Variants in MBD5 observed in about 807,000 individuals in gnomAD.
MBD5 encodes methyl-CpG binding domain protein 5, also known as methyl-CpG-binding domain protein 5.
In MBD5, 13 loss-of-function variants were observed where a neutral mutation model predicts 117.3. The ratio of observed to expected loss-of-function variants is 0.11; its 90% CI spans 0.07 to 0.18. The LOEUF is 0.18. Ranked by LOEUF, MBD5 falls within the 10% of genes least tolerant of loss-of-function variation. MBD5 has a pLI of 1.00. For synonymous variants in MBD5, 727 were observed against 766.4 expected, an observed-to-expected ratio of 0.95 and a Z score of 0.85; for missense variants, 1,879 against 2,093.8, an observed-to-expected ratio of 0.90 and a Z score of 2.00.
chr2:148,132,282 A>C (rs955172382), intron 1 of MBD5, among the ~76,000 whole-genome samples: 2 of 150,150 alleles, frequency 1.3e-5, no homozygotes, highest in African/African-American at 4.9e-5. Flanking sequence ...ATTTTTCTAG[A>C]GACCTTCAAG....
intron 1 of MBD5, among the ~76,000 whole-genome samples, chr2:148,091,819 CTAAT>C (rs1695951013): frequency 6.6e-6 from 1 of 152,056 alleles, no homozygotes; most frequent in African/African-American, 2.4e-5. Flanking sequence ...CGGATGGGAC[CTAAT>C]TAAACTAAAA....
In MBD5 at chr2:148,469,172, C is replaced by A. The variant is rs2105630503; in HGVS notation, c.1229C>A (p.Pro410Gln). 6.2e-7 allele frequency: 1 copy of A among 1,614,002 alleles called. No homozygotes were observed. Among genetic ancestry groups the A allele is most frequent in the Non-Finnish European group, 8.5e-7 (1 of 1,179,972 alleles). Residue 410 changes from proline to glutamine, a missense_variant, in exon 8 of 14, where the codon CCA becomes CAA. By Grantham distance (76) the Pro-to-Gln change is moderately conservative. Coordinates refer to ENST00000642680, the MANE Select transcript of MBD5 (RefSeq NM_001378120.1). Reference protein sequence around the residue: ...VVPLPSNLPLPTVKPGHMNHG... With the variant: ...VVPLPSNLPLQTVKPGHMNHG... ...CCTTTGCCAAGTAATCTCCCATTGC[C>A]AACTGTAAAACCTGGTCACATGAAT...
chr2:148,029,891 A>G (rs185052472), intron 1 of MBD5, among the ~76,000 whole-genome samples: 1 of 152,342 alleles, frequency 6.6e-6, no homozygotes, highest in Admixed American at 6.5e-5. Flanking sequence ...GAAAGATGGA[A>G]AATCATATTA....
At chr2:148,383,355 G>C (rs1382041609) in intron 4 of MBD5, among the ~76,000 whole-genome samples, 1 of 152,134 alleles carries the variant, frequency 6.6e-6, no homozygotes, top group South Asian at 2.1e-4. Context: ...AGAAAATCTA[G>C]AAGAAATGGA....
chr2:148,427,770 C>T (rs1705849347), intron 4 of MBD5, among the ~76,000 whole-genome samples: 1 of 151,168 alleles, frequency 6.6e-6, no homozygotes, highest in African/African-American at 2.4e-5. Flanking sequence ...GCAGATGTAC[C>T]CTAAAACTTA....
At position 148,463,845 on chromosome 2, in the gene MBD5, C is replaced by T. The variant is rs1707174579; in HGVS notation, c.323C>T (p.Ala108Val). 6.2e-7 allele frequency: 1 copy of T among 1,613,664 alleles called. No individual in the cohort carries two copies. Reference sequence around the variant, plus strand: ...TGCATACATAAAAGAAAAATTATTGCAGTGGCCACACTTCATAAAAGCATG... The same window carrying T: ...TGCATACATAAAAGAAAAATTATTGTAGTGGCCACACTTCATAAAAGCATG... ...KLCIHKRKII[A>V]VATLHKSMEA... The change falls in exon 7 of 14, where the codon GCA becomes GTA. Residue 108 changes from alanine to valine, a missense_variant. Transcript: ENST00000642680.
intron 2 of MBD5, among the ~76,000 whole-genome samples, chr2:148,186,230 G>C (rs1698653766): frequency 6.6e-6 from 1 of 152,214 alleles, no homozygotes; most frequent in Non-Finnish European, 1.5e-5. Flanking sequence ...TCGTGATAGT[G>C]AATAAGTCTC....
intron 2 of MBD5, among the ~76,000 whole-genome samples, chr2:148,203,049 G>A (rs933542546): frequency 6.1e-5 from 9 of 148,534 alleles, no homozygotes; most frequent in Non-Finnish European, 1.2e-4. Context: ...AGGTTGCACT[G>A]AGCCAAGATC....
rs1479304643 is a variant in MBD5, at chr2:148,086,311, T to C, written c.-925+64627T>C. On this transcript the variant is annotated intron_variant, in intron 1 of 13. Coordinates refer to ENST00000642680, the MANE Select transcript of MBD5 (RefSeq NM_001378120.1). Reference sequence around the variant, plus strand: ...ACTCTGGAGTCACATATTTTGTAACTGTTAACCATAATAGATTCCATCATC... The same window carrying C: ...ACTCTGGAGTCACATATTTTGTAACCGTTAACCATAATAGATTCCATCATC... 6.6e-5 allele frequency among the ~76,000 whole-genome samples: 10 copies of C among 152,146 alleles called. No homozygotes were observed. The East Asian group carries it at 7.7e-4, about 12-fold the overall frequency.
At chr2:148,438,585 T>C (rs1239710799) in intron 4 of MBD5, among the ~76,000 whole-genome samples, 1 of 152,140 alleles carries the variant, frequency 6.6e-6, no homozygotes, top group African/African-American at 2.4e-5. Flanking sequence ...GACAGAGTTT[T>C]CCAGAGAGAG....
At chr2:148,171,992 G>T (rs1698274414) in intron 1 of MBD5, among the ~76,000 whole-genome samples, 1 of 152,236 alleles carries the variant, frequency 6.6e-6, no homozygotes, top group African/African-American at 2.4e-5. Context: ...GGACAGCATA[G>T]CAAGACCCCA....
In MBD5 at chr2:148,435,420, T is replaced by G. The variant is rs146408806; in HGVS notation, c.-556-22783T>G. On this transcript the variant is annotated intron_variant, in intron 4 of 13. Transcript: ENST00000642680. The stretch of plus-strand genomic sequence containing the variant: ...TTTCCTTACCATATTGAGGGACCTC[T>G]TATAAGGCAGGTCTGGTAGTAATGA... Among the ~76,000 whole-genome samples the G allele has an allele frequency of 3.8e-3, 575 of 152,318 alleles. 21 individuals carry two copies. The highest frequency in any genetic ancestry group is 0.035 in the Admixed American group (529 of 15,284).
chr2:148,311,241 TG>T (rs1702022014), intron 3 of MBD5, among the ~76,000 whole-genome samples: 1 of 152,160 alleles, frequency 6.6e-6, no homozygotes, highest in Non-Finnish European at 1.5e-5. Flanking sequence ...ATATTGACAG[TG>T]GGGCATTAAA....
chr2:148,483,248 G>C lies in MBD5; in HGVS notation c.2657G>C (p.Gly886Ala). The C allele has an allele frequency of 6.2e-7, 1 of 1,613,888 alleles. No homozygotes were observed. The highest frequency in any genetic ancestry group is 2.2e-5 in the East Asian group (1 of 44,858). The change falls in exon 9 of 14, where the codon GGG becomes GCG. Residue 886 changes from glycine to alanine, a missense_variant. Gly to Ala is a moderately conservative substitution (Grantham distance 60). Transcript: ENST00000642680. ...GNPLQSQLPIGSDFPFVGQEH... is the reference protein window; with the variant it reads ...GNPLQSQLPIASDFPFVGQEH... The stretch of plus-strand genomic sequence containing the variant: ...CCACTGCAGAGTCAGCTACCCATTG[G>C]GAGTGATTTTCCTTTTGTTGGCCAG...
In MBD5 at chr2:148,221,398, G is replaced by A. The variant is rs551143064; in HGVS notation, c.-830-11847G>A. Among the ~76,000 whole-genome samples, 6 of 152,006 alleles carry A rather than the reference G, an allele frequency of 3.9e-5. No homozygotes were observed. In the South Asian group the frequency reaches 6.2e-4, roughly 16 times the overall value. ...ACATTCCTACCAAGACTGGGGTTCC[G>A]TTTTTTCCACATCCTTGCCAGCATT... is the stretch of plus-strand genomic sequence containing the variant. On this transcript the variant is annotated intron_variant, in intron 2 of 13. Transcript: ENST00000642680.
intron 1 of MBD5, among the ~76,000 whole-genome samples, chr2:148,145,870 T>G (rs1219464283): frequency 6.6e-6 from 1 of 152,158 alleles, no homozygotes. Flanking sequence ...TTGAGGATTT[T>G]TGCATCGATG....
chr2:148,043,577 A>C (rs1490213522), intron 1 of MBD5, among the ~76,000 whole-genome samples: 1 of 152,192 alleles, frequency 6.6e-6, no homozygotes, highest in African/African-American at 2.4e-5. Context: ...AAGTTTGAGA[A>C]TCACTGCTCT....
chr2:148,512,841 T>C, intron 13 of MBD5, 29 bp from the exon 14 acceptor site: 1 of 1,593,310 alleles, frequency 6.3e-7, no homozygotes, highest in Non-Finnish European at 8.6e-7. Flanking sequence ...TCTGTTGTTG[T>C]TGTTTTTTTT....
chr2:148,397,684 G>T (rs189991246), intron 4 of MBD5, among the ~76,000 whole-genome samples: 1 of 151,762 alleles, frequency 6.6e-6, no homozygotes, highest in African/African-American at 2.4e-5. Flanking sequence ...TAACTTTCAG[G>T]GTACATGTGC....
Sources: gnomAD v4.1 joint callset for allele counts (sites outside exome capture counted in the v4.1 genomes callset) on GRCh38, gnomAD v4.1.1 for gene constraint, MANE v1.5 for transcripts, NCBI Gene and HGNC (gene_info 2026-07-23, HGNC 2026-07-21) for gene names.